SYNPR: variants seen among roughly 807,000 people sequenced by gnomAD.
SYNPR encodes synaptoporin.
A neutral mutation model predicts 32.9 loss-of-function variants in SYNPR; 23 were observed. That is an observed-to-expected ratio of 0.70 (90% confidence interval 0.50 to 0.99). The LOEUF (loss-of-function observed/expected upper bound fraction) is 0.99, where lower values mean the gene tolerates loss of function less well. Ranked by LOEUF, SYNPR falls within the 50% of genes least tolerant of loss-of-function variation. The probability of loss-of-function intolerance (pLI) is 0.00; values close to 1 mark genes in which losing one functional copy is unlikely to be tolerated. For missense variants in SYNPR, 318 were observed against 349.3 expected, an observed-to-expected ratio of 0.91 and a Z score of 0.71; for synonymous variants, 146 against 135.9, an observed-to-expected ratio of 1.07 and a Z score of -0.52.
At chr3:63,418,628 T>C (rs1490944736) in intron 2 of SYNPR, among the ~76,000 whole-genome samples, 2 of 152,200 alleles carry the variant, frequency 1.3e-5, no homozygotes, top group Non-Finnish European at 2.9e-5. Flanking sequence ...CGCACAACTA[T>C]GGTGGAAAAC....
At chr3:63,484,897 T>C (rs1182797294) in intron 3 of SYNPR, among the ~76,000 whole-genome samples, 5 of 152,172 alleles carry the variant, frequency 3.3e-5, no homozygotes, top group Non-Finnish European at 7.4e-5. Flanking sequence ...GGCCACTTTT[T>C]TCCCTGATTA....
At chr3:63,519,919 C>T (rs1027681801) in intron 3 of SYNPR, among the ~76,000 whole-genome samples, 2 of 152,102 alleles carry the variant, frequency 1.3e-5, no homozygotes, top group African/African-American at 2.4e-5. Flanking sequence ...CTGAGATAAC[C>T]ACTTCTAACA....
chr3:63,606,506 A>G (rs1489515264), intron 4 of SYNPR, among the ~76,000 whole-genome samples: 3 of 138,382 alleles, frequency 2.2e-5, no homozygotes, highest in Admixed American at 8.1e-5. Context: ...ATCATAGCTC[A>G]CTGCAACTTC....
chr3:63,571,300 C>T (rs751361413), intron 4 of SYNPR, among the ~76,000 whole-genome samples: 1 of 152,176 alleles, frequency 6.6e-6, no homozygotes, highest in Non-Finnish European at 1.5e-5. Flanking sequence ...AGTATACCTG[C>T]TGTCCCTGCA....
chr3:63,614,439 T>C (rs1700248646), intron 5 of SYNPR, among the ~76,000 whole-genome samples: 1 of 152,206 alleles, frequency 6.6e-6, no homozygotes, highest in South Asian at 2.1e-4. Context: ...GACACCCTCC[T>C]GGAGAGTAAG....
At chr3:63,588,682 T>C (rs955600876) in intron 4 of SYNPR, among the ~76,000 whole-genome samples, 2 of 152,130 alleles carry the variant, frequency 1.3e-5, no homozygotes, top group Admixed American at 1.3e-4. Context: ...AAGGATGCTA[T>C]TTTCTATATG....
intron 3 of SYNPR, among the ~76,000 whole-genome samples, chr3:63,272,724 T>C (rs2086546697): frequency 6.6e-6 from 1 of 152,154 alleles, no homozygotes. Flanking sequence ...CTGGTTTCTG[T>C]TTTCCCACAC....
intron 3 of SYNPR, among the ~76,000 whole-genome samples, chr3:63,495,589 C>G (rs1311761821): frequency 6.6e-6 from 1 of 152,098 alleles, no homozygotes; most frequent in African/African-American, 2.4e-5. Flanking sequence ...GTACATGCAC[C>G]AGGGGGTTCA....
intron 2 of SYNPR, among the ~76,000 whole-genome samples, chr3:63,281,390 G>GATAT (rs1435344377): frequency 6.6e-6 from 1 of 152,192 alleles, no homozygotes; most frequent in Non-Finnish European, 1.5e-5. Flanking sequence ...TGCATGTAAA[G>GATAT]ATATATGTAT....
At chr3:63,359,658 T>C (rs1301662431) in intron 2 of SYNPR, among the ~76,000 whole-genome samples, 1 of 152,174 alleles carries the variant, frequency 6.6e-6, no homozygotes, top group African/African-American at 2.4e-5. Flanking sequence ...AAGGAGACAA[T>C]GCAGGCAGCA....
At chr3:63,412,712 A>G (rs1446430335) in intron 2 of SYNPR, among the ~76,000 whole-genome samples, 1 of 152,148 alleles carries the variant, frequency 6.6e-6, no homozygotes, top group East Asian at 1.9e-4. Flanking sequence ...TTAAATTTGG[A>G]TGAAGGAAGA....
intron 4 of SYNPR, among the ~76,000 whole-genome samples, chr3:63,560,891 G>A (rs1702677182): frequency 6.6e-6 from 1 of 152,114 alleles, no homozygotes; most frequent in Admixed American, 6.5e-5. Context: ...GATTTGGGTG[G>A]GGACACAAAG....
chr3:63,286,556 C>T (rs919075491), intron 2 of SYNPR, among the ~76,000 whole-genome samples: 15 of 151,606 alleles, frequency 9.9e-5, no homozygotes, highest in African/African-American at 2.4e-4. Flanking sequence ...GTTCTGCAGA[C>T]GACCCACATC....
At chr3:63,504,878 C>T (rs1004026254) in intron 3 of SYNPR, among the ~76,000 whole-genome samples, 3 of 151,950 alleles carry the variant, frequency 2.0e-5, no homozygotes, top group African/African-American at 7.3e-5. Flanking sequence ...CGGTAGGGTC[C>T]TGTGTGACTC....
chr3:63,515,526 G>GTCTT (rs1323733567), intron 3 of SYNPR, among the ~76,000 whole-genome samples: 1 of 152,056 alleles, frequency 6.6e-6, no homozygotes, highest in Non-Finnish European at 1.5e-5. Context: ...AAAGAAAACA[G>GTCTT]TCTTTCCTCA....
At chr3:63,583,657 A>G (rs1395531857) in intron 4 of SYNPR, among the ~76,000 whole-genome samples, 1 of 152,110 alleles carries the variant, frequency 6.6e-6, no homozygotes, top group Non-Finnish European at 1.5e-5. Flanking sequence ...GTAATCAGGC[A>G]TATTAGCTTT....
the SYNPR span, among the ~76,000 whole-genome samples, chr3:63,201,205 T>C: frequency 1.3e-5 from 2 of 152,134 alleles, no homozygotes; most frequent in Admixed American, 6.6e-5. Context: ...GATTATAAGA[T>C]AAAGAATATG....
intron 4 of SYNPR, among the ~76,000 whole-genome samples, chr3:63,578,522 T>A (rs1045061074): frequency 1.3e-5 from 2 of 151,992 alleles, no homozygotes; most frequent in East Asian, 3.9e-4. Flanking sequence ...AGAGGAGGTG[T>A]GAGAGTGGAA....
At chr3:63,609,349 T>C (rs1269052966) in intron 5 of SYNPR, 33 bp downstream of exon 5, 2 of 1,448,764 alleles carry the variant, frequency 1.4e-6, no homozygotes, top group East Asian at 5.3e-5. Context: ...TTACTGTTCA[T>C]ATCTTTGTTT....
Sources: gnomAD v4.1 joint callset for allele counts (sites outside exome capture counted in the v4.1 genomes callset) on GRCh38, gnomAD v4.1.1 for gene constraint, MANE v1.5 for transcripts, NCBI Gene and HGNC (gene_info 2026-07-23, HGNC 2026-07-21) for gene names.